The following MAGI2 variants were observed in gnomAD, a reference collection of about 807,000 sequenced individuals.
MAGI2 encodes the protein membrane associated guanylate kinase, WW and PDZ domain containing 2.
MAGI2 carries 35 observed loss-of-function variants against 133.3 expected under a neutral mutation model. That is an observed-to-expected ratio of 0.26 (90% confidence interval 0.20 to 0.35). The LOEUF (loss-of-function observed/expected upper bound fraction) is 0.35, where lower values mean the gene tolerates loss of function less well. MAGI2 is among the 10% of genes least tolerant of loss of function. The probability of loss-of-function intolerance (pLI) is 1.00; values close to 1 mark genes in which losing one functional copy is unlikely to be tolerated. For synonymous variants in MAGI2, 729 were observed against 710.6 expected, an observed-to-expected ratio of 1.03 and a Z score of -0.41; for missense variants, 1,636 against 1,863.4, an observed-to-expected ratio of 0.88 and a Z score of 2.25.
intron 1 of MAGI2, among the ~76,000 whole-genome samples, chr7:79,335,329 G>T (rs1840366487): frequency 6.6e-6 from 1 of 152,034 alleles, no homozygotes; most frequent in South Asian, 2.1e-4. Flanking sequence ...CAGTGACCAT[G>T]GTTTATGTAT....
At chr7:78,142,939 T>C (rs1584118982) in intron 16 of MAGI2, among the ~76,000 whole-genome samples, 1 of 152,230 alleles carries the variant, frequency 6.6e-6, no homozygotes, top group African/African-American at 2.4e-5. Context: ...CTAGCAAGGA[T>C]ATCTTTTTTG....
chr7:79,171,770 A>ATATATATATATTTTTTT lies in MAGI2; in HGVS notation c.302-164565_302-164564insAAAAAAATATATATATA. On this transcript the variant is annotated intron_variant, in intron 1 of 21. Coordinates refer to ENST00000354212, the MANE Select transcript of MAGI2 (RefSeq NM_012301.4). The stretch of plus-strand genomic sequence containing the variant: ...TATATATATATATATATATATATAT[A>ATATATATATATTTTTTT]TTTTTTTTTTTTTTTTCTTTTAAAG... Among the ~76,000 whole-genome samples, 26 of 31,198 alleles carry ATATATATATATTTTTTT rather than the reference A, an allele frequency of 8.3e-4. 1 individual carries two copies. The highest frequency in any genetic ancestry group is 2.0e-3 in the Non-Finnish European group (18 of 9,002). 20.5% of individuals were successfully genotyped at this position (31,198 alleles called of 152,430 possible).
At chr7:78,069,569 A>G (rs932635300) in intron 21 of MAGI2, among the ~76,000 whole-genome samples, 18 of 143,082 alleles carry the variant, frequency 1.3e-4, no homozygotes, top group African/African-American at 4.3e-4. Flanking sequence ...AGAGAGAGAG[A>G]GAGGCTTCTG....
chr7:79,151,188 T>G (rs773808445), intron 1 of MAGI2, among the ~76,000 whole-genome samples: 1 of 152,182 alleles, frequency 6.6e-6, no homozygotes, highest in Non-Finnish European at 1.5e-5. Context: ...AAATATATCA[T>G]TCAAGAAATG....
chr7:78,379,049 G>C (rs1191194804), intron 6 of MAGI2, among the ~76,000 whole-genome samples: 1 of 151,804 alleles, frequency 6.6e-6, no homozygotes, highest in Non-Finnish European at 1.5e-5. Flanking sequence ...ACAATTAAAA[G>C]CCATCCTAAG....
chr7:79,264,256 AT>A (rs530574993), intron 1 of MAGI2, among the ~76,000 whole-genome samples: 36 of 152,016 alleles, frequency 2.4e-4, no homozygotes, highest in Non-Finnish European at 4.4e-4. Flanking sequence ...CCTAACACAG[AT>A]TTTTTTTGAG....
At chr7:79,095,501 G>T (rs1013247486) in intron 1 of MAGI2, among the ~76,000 whole-genome samples, 1 of 152,086 alleles carries the variant, frequency 6.6e-6, no homozygotes, top group African/African-American at 2.4e-5. Context: ...TCTAGTTTTT[G>T]ATTTAAAGTA....
At chr7:79,391,930 C>T (rs760930809) in intron 1 of MAGI2, among the ~76,000 whole-genome samples, 16 of 152,064 alleles carry the variant, frequency 1.1e-4, no homozygotes, top group South Asian at 6.2e-4. Context: ...GTGATCTGCC[C>T]GCCTTGGCCT....
intron 1 of MAGI2, among the ~76,000 whole-genome samples, chr7:79,300,362 AG>A (rs1250154812): frequency 2.0e-5 from 3 of 152,224 alleles, no homozygotes; most frequent in Non-Finnish European, 4.4e-5. Flanking sequence ...ACTGGAGCAC[AG>A]GTCACACATG....
At chr7:79,332,969 T>C (rs1792792559) in intron 1 of MAGI2, among the ~76,000 whole-genome samples, 1 of 152,100 alleles carries the variant, frequency 6.6e-6, no homozygotes, top group South Asian at 2.1e-4. Flanking sequence ...AAATATTTTA[T>C]TTGAAAAAAA....
intron 1 of MAGI2, among the ~76,000 whole-genome samples, chr7:79,088,520 G>T (rs772734540): frequency 3.9e-5 from 6 of 151,978 alleles, no homozygotes; most frequent in Non-Finnish European, 7.4e-5. Flanking sequence ...TTGCCTGATT[G>T]CCCTGGCCAG....
chr7:79,088,172 G>A (rs1816701312), intron 1 of MAGI2, among the ~76,000 whole-genome samples: 1 of 152,006 alleles, frequency 6.6e-6, no homozygotes, highest in Admixed American at 6.6e-5. Context: ...ATTTCCTTGA[G>A]CAATAGTTAG....
intron 2 of MAGI2, among the ~76,000 whole-genome samples, chr7:78,691,793 A>C (rs550566382): frequency 1.3e-5 from 2 of 152,186 alleles, no homozygotes; most frequent in Non-Finnish European, 2.9e-5. Flanking sequence ...TTTTTAGGGA[A>C]GTGAAACTAC....
chr7:79,015,120 T>A (rs1808554488), intron 1 of MAGI2, among the ~76,000 whole-genome samples: 1 of 152,162 alleles, frequency 6.6e-6, no homozygotes, highest in Non-Finnish European at 1.5e-5. Context: ...CCAAGTCAAC[T>A]GAAAAACATT....
Position 78,431,074 on chromosome 7 carries a change from C to CTGTGTGTGTGTGTGTGTG in MAGI2, c.1045+58669_1045+58686dup, listed in dbSNP as rs147567944. Among the ~76,000 whole-genome samples the CTGTGTGTGTGTGTGTGTG allele has an allele frequency of 4.0e-4, 58 of 146,512 alleles. 1 individual carries two copies. The highest frequency in any genetic ancestry group is 1.3e-3 in the African/African-American group (51 of 39,994). On this transcript the variant is annotated intron_variant, in intron 6 of 21. Coordinates refer to ENST00000354212, the MANE Select transcript of MAGI2 (RefSeq NM_012301.4). ...TGCCTGTTGGAATCAGTGAGGTAGG[C>CTGTGTGTGTGTGTGTGTG]TGTGTGTGTGTGTGTGTGTGTGTGT...
intron 1 of MAGI2, among the ~76,000 whole-genome samples, chr7:79,264,337 C>T (rs963799850): frequency 5.9e-5 from 9 of 152,132 alleles, no homozygotes; most frequent in Admixed American, 1.3e-4. Flanking sequence ...ATTCAGTCAA[C>T]AATTAACTCA....
At chr7:78,927,385 A>G (rs1028318212) in intron 2 of MAGI2, among the ~76,000 whole-genome samples, 5 of 152,056 alleles carry the variant, frequency 3.3e-5, no homozygotes, top group Non-Finnish European at 7.4e-5. Flanking sequence ...AAGCACAGCT[A>G]AATTATGAAT....
chr7:78,152,387 G>C (rs1036458879), intron 16 of MAGI2, among the ~76,000 whole-genome samples: 8 of 152,160 alleles, frequency 5.3e-5, no homozygotes, highest in Non-Finnish European at 1.2e-4. Flanking sequence ...ATGGACAAGA[G>C]ATGTGTTTAA....
At chr7:79,224,905 T>C (rs892671793) in intron 1 of MAGI2, among the ~76,000 whole-genome samples, 1 of 152,236 alleles carries the variant, frequency 6.6e-6, no homozygotes, top group Admixed American at 6.5e-5. Flanking sequence ...CATGACTATA[T>C]GCATTTGTCT....
Sources: allele counts gnomAD v4.1 joint callset (sites outside exome capture counted in the v4.1 genomes callset), GRCh38; gene constraint gnomAD v4.1.1; transcripts MANE v1.5; gene names NCBI Gene and HGNC (gene_info 2026-07-23, HGNC 2026-07-21).